The following TSPAN9 variants were observed in gnomAD, a reference collection of about 807,000 sequenced individuals.
The protein encoded by TSPAN9 is tetraspanin 9.
TSPAN9 carries 16 observed loss-of-function variants against 31.0 expected under a neutral mutation model. That is an observed-to-expected ratio of 0.52 (90% confidence interval 0.35 to 0.78). TSPAN9 has a LOEUF of 0.78. TSPAN9 is among the 30% of genes least tolerant of loss of function. The pLI is 0.01. For synonymous variants in TSPAN9, 145 were observed against 121.6 expected (o/e 1.19, Z -1.27); for missense variants, 272 against 312.5 (o/e 0.87, Z 0.98).
chr12:3,114,802 C>T (rs143459424), intron 2 of TSPAN9, among the ~76,000 whole-genome samples: 168 of 140,318 alleles, frequency 1.2e-3, no homozygotes, highest in African/African-American at 4.5e-3. Context: ...GAGGTTGCGC[C>T]ATTGCATTCC....
intron 2 of TSPAN9, among the ~76,000 whole-genome samples, chr12:3,091,318 A>T (rs2098304446): frequency 1.3e-5 from 2 of 152,226 alleles, no homozygotes; most frequent in South Asian, 2.1e-4. Context: ...CAAGCAACTC[A>T]CAATGGACTC....
intron 3 of TSPAN9, among the ~76,000 whole-genome samples, chr12:3,234,047 G>A (rs2098392124): frequency 6.6e-6 from 1 of 152,236 alleles, no homozygotes; most frequent in Non-Finnish European, 1.5e-5. Flanking sequence ...AAACGTGGGT[G>A]TGTAGGGCTG....
At chr12:3,096,850 G>A (rs1031122255) in intron 2 of TSPAN9, among the ~76,000 whole-genome samples, 7 of 151,938 alleles carry the variant, frequency 4.6e-5, no homozygotes, top group Admixed American at 2.0e-4. Context: ...CCGCCACCAC[G>A]CCCGGCTAAT....
chr12:3,077,418 C>G lies in TSPAN9; in HGVS notation c.-120C>G, dbSNP rs560540052. On this transcript the variant is annotated 5_prime_UTR_variant, in exon 1 of 9. Coordinates refer to ENST00000011898, the MANE Select transcript of TSPAN9 (RefSeq NM_006675.5). ...CGGCGGCGGCGGCGGTGCCGGAGCG[C>G]GAGCAGAGCGGAGACCCCCAGGTCC... 2.4e-3 allele frequency: 364 copies of G among 151,778 alleles called. No homozygotes were observed. The highest frequency in any genetic ancestry group is 8.6e-3 in the African/African-American group (354 of 41,162). 9.4% of individuals were successfully genotyped at this position (151,778 alleles called of 1,614,324 possible).
chr12:3,093,500 C>T (rs754145882), intron 2 of TSPAN9, among the ~76,000 whole-genome samples: 8 of 152,318 alleles, frequency 5.3e-5, no homozygotes, highest in Non-Finnish European at 8.8e-5. Context: ...TGCTACAGAA[C>T]GTGGATGGGG....
At chr12:3,179,418 A>G (rs189791633) in intron 2 of TSPAN9, among the ~76,000 whole-genome samples, 1 of 152,050 alleles carries the variant, frequency 6.6e-6, no homozygotes, top group Non-Finnish European at 1.5e-5. Context: ...CATTCCTCTC[A>G]TTCTGCCCTA....
chr12:3,097,207 C>T (rs1165407377), intron 2 of TSPAN9, among the ~76,000 whole-genome samples: 1 of 152,158 alleles, frequency 6.6e-6, no homozygotes, highest in Non-Finnish European at 1.5e-5. Context: ...TCGTTTCTCT[C>T]CCCCTCCCAT....
intron 2 of TSPAN9, among the ~76,000 whole-genome samples, chr12:3,177,945 C>T (rs989323497): frequency 6.6e-6 from 1 of 152,154 alleles, no homozygotes; most frequent in Non-Finnish European, 1.5e-5. Context: ...GTGTCTGGGC[C>T]GTGTCTTGCC....
At chr12:3,276,693 T>C (rs1486005080) in intron 3 of TSPAN9, among the ~76,000 whole-genome samples, 1 of 152,152 alleles carries the variant, frequency 6.6e-6, no homozygotes, top group Non-Finnish European at 1.5e-5. Context: ...TGCAGTTACG[T>C]CATTTGTTGC....
At chr12:3,193,284 G>C (rs966876103) in intron 2 of TSPAN9, among the ~76,000 whole-genome samples, 1 of 152,166 alleles carries the variant, frequency 6.6e-6, no homozygotes, top group Non-Finnish European at 1.5e-5. Flanking sequence ...GGCATGTGGT[G>C]TGAGCCGATT....
intron 3 of TSPAN9, among the ~76,000 whole-genome samples, chr12:3,261,251 T>A (rs1252205080): frequency 6.6e-6 from 1 of 152,240 alleles, no homozygotes; most frequent in African/African-American, 2.4e-5. Flanking sequence ...CGCATTAGGC[T>A]GTGTTCTTGT....
At chr12:3,157,187 C>T (rs898929950) in intron 2 of TSPAN9, among the ~76,000 whole-genome samples, 1 of 151,724 alleles carries the variant, frequency 6.6e-6, no homozygotes, top group Admixed American at 6.6e-5. Context: ...GCAAGCTCCG[C>T]CTCCTGGGTT....
At chr12:3,106,453 T>G (rs1282998566) in intron 2 of TSPAN9, among the ~76,000 whole-genome samples, 14 of 152,004 alleles carry the variant, frequency 9.2e-5, no homozygotes, top group Non-Finnish European at 1.5e-5. Flanking sequence ...AAACTGGTGG[T>G]GGGAAGTGGA....
At chr12:3,151,969 A>G (rs899039045) in intron 2 of TSPAN9, among the ~76,000 whole-genome samples, 44 of 152,198 alleles carry the variant, frequency 2.9e-4, no homozygotes, top group African/African-American at 1.0e-3. Context: ...ATTGAAAAGT[A>G]AAAGCCCAAC....
chr12:3,102,079 CTT>C, intron 2 of TSPAN9, among the ~76,000 whole-genome samples: 1 of 152,240 alleles, frequency 6.6e-6, no homozygotes, highest in East Asian at 1.9e-4. Flanking sequence ...TGGCAGAACT[CTT>C]GAGAGAATCT....
At position 3,107,549 on chromosome 12, in the gene TSPAN9, C is replaced by T. The variant is rs1455863750; in HGVS notation, c.-18+23830C>T. On this transcript the variant is annotated intron_variant, in intron 2 of 8. Transcript: ENST00000011898. This position sits in a 1 kb window ranked among gnomAD's most constrained non-coding sequence, Gnocchi z 4.1. ...AGTCCAGCCCCCCTATCCCTGTGCC[C>T]TTCATCTGGGGCCATGCATGCCTCT... 6.6e-6 allele frequency among the ~76,000 whole-genome samples: 1 copy of T among 152,232 alleles called. No homozygotes were observed. The highest frequency in any genetic ancestry group is 1.5e-5 in the Non-Finnish European group (1 of 68,016).
chr12:3,161,479 C>T (rs2098345193), intron 2 of TSPAN9, among the ~76,000 whole-genome samples: 1 of 152,148 alleles, frequency 6.6e-6, no homozygotes, highest in East Asian at 1.9e-4. Context: ...TGTCCCAGCA[C>T]CATTTGTTGA....
chr12:3,247,987 T>A (rs1033662123), intron 3 of TSPAN9, among the ~76,000 whole-genome samples: 9 of 152,202 alleles, frequency 5.9e-5, no homozygotes, highest in Admixed American at 1.3e-4. Flanking sequence ...GGATGATGGA[T>A]TAGAAGACTG....
intron 2 of TSPAN9, among the ~76,000 whole-genome samples, chr12:3,186,321 G>A (rs558009553): frequency 1.3e-5 from 2 of 152,344 alleles, no homozygotes; most frequent in African/African-American, 4.8e-5. Context: ...GAAGAGAGAT[G>A]GAGTGTGCTG....
Sources: gnomAD v4.1 joint callset for allele counts (sites outside exome capture counted in the v4.1 genomes callset) on GRCh38, gnomAD v4.1.1 for gene constraint, Gnocchi (gnomAD v3.1) non-coding constraint, MANE v1.5 for transcripts, NCBI Gene and HGNC (gene_info 2026-07-23, HGNC 2026-07-21) for gene names.